Variants in CYFIP2 observed in about 807,000 individuals in gnomAD.
CYFIP2 encodes the protein cytoplasmic FMR1-interacting protein 2.
A neutral mutation model predicts 158.7 loss-of-function variants in CYFIP2; 29 were observed. That is an observed-to-expected ratio of 0.18 (90% CI 0.14 to 0.25). The LOEUF (loss-of-function observed/expected upper bound fraction) is 0.25. CYFIP2 is among the 10% of genes least tolerant of loss of function. CYFIP2 has a pLI of 1.00. For synonymous variants in CYFIP2, 585 were observed against 617.6 expected (o/e 0.95, Z 0.78); for missense variants, 852 against 1,639.5 (o/e 0.52, Z 8.29).
chr5:157,270,586 G>A (rs1024648376), intron 1 of CYFIP2, among the ~76,000 whole-genome samples: 1 of 152,220 alleles, frequency 6.6e-6, no homozygotes, highest in Non-Finnish European at 1.5e-5. Context: ...GGCAAGATAT[G>A]AATGGCAAGA....
At chr5:157,292,239 G>C (rs1376371631) in intron 3 of CYFIP2, among the ~76,000 whole-genome samples, 1 of 146,148 alleles carries the variant, frequency 6.8e-6, no homozygotes, top group African/African-American at 2.5e-5. Flanking sequence ...TTTTTTTTGA[G>C]ATGGAGTTTT....
At chr5:157,314,259 T>C in intron 11 of CYFIP2, 85 bp from the exon 12 acceptor site, 2 of 1,519,996 alleles carry the variant, frequency 1.3e-6, no homozygotes, top group Non-Finnish European at 1.8e-6. Flanking sequence ...AGCACTTCCC[T>C]GCAGTGTTCT....
intron 22 of CYFIP2, 68 bp downstream of exon 22, chr5:157,339,324 C>G: frequency 7.1e-7 from 1 of 1,417,534 alleles, no homozygotes; most frequent in Non-Finnish European, 9.8e-7. Flanking sequence ...CTCCTCCAAA[C>G]TAGGCCCAGT....
At chr5:157,268,028 G>A (rs1052369107) in intron 1 of CYFIP2, among the ~76,000 whole-genome samples, 1 of 152,220 alleles carries the variant, frequency 6.6e-6, no homozygotes, top group South Asian at 2.1e-4. Flanking sequence ...GTCCACTTTC[G>A]GGATGAGAAA....
intron 15 of CYFIP2, chr5:157,323,081 G>A: frequency 7.0e-7 from 1 of 1,435,704 alleles, no homozygotes; most frequent in Non-Finnish European, 9.5e-7. Context: ...GAATGGACTA[G>A]CCTGGCTCCT....
At chr5:157,332,509 T>C (rs1203290570) in intron 20 of CYFIP2, among the ~76,000 whole-genome samples, 1 of 152,218 alleles carries the variant, frequency 6.6e-6, no homozygotes, top group African/African-American at 2.4e-5. Flanking sequence ...AAAAACAGAA[T>C]AGAATGATGA....
At chr5:157,367,772 T>A (rs201128192) in intron 26 of CYFIP2, among the ~76,000 whole-genome samples, 2,478 of 148,908 alleles carry the variant, frequency 0.017, 85 homozygotes, top group African/African-American at 0.057. Flanking sequence ...TTTTTTTTTT[T>A]AAGACAGAGT....
intron 22 of CYFIP2, among the ~76,000 whole-genome samples, chr5:157,339,464 T>G (rs1253590372): frequency 1.4e-5 from 2 of 146,264 alleles, no homozygotes; most frequent in Non-Finnish European, 3.0e-5. Flanking sequence ...TAGGTCTTCT[T>G]TCATTGAAGA....
intron 1 of CYFIP2, among the ~76,000 whole-genome samples, chr5:157,274,302 C>G (rs1445673051): frequency 6.6e-6 from 1 of 152,144 alleles, no homozygotes; most frequent in Non-Finnish European, 1.5e-5. Context: ...ATAGATTTGC[C>G]TATTCTGGGC....
chr5:157,338,236 C>T (rs1217051611), intron 21 of CYFIP2, among the ~76,000 whole-genome samples: 1 of 152,194 alleles, frequency 6.6e-6, no homozygotes. Context: ...GGGTTTCCTT[C>T]GTTCAGGGCC....
intron 23 of CYFIP2, 112 bp downstream of exon 23, chr5:157,341,269 G>T: frequency 9.9e-7 from 1 of 1,005,488 alleles, no homozygotes; most frequent in Non-Finnish European, 1.5e-6. Flanking sequence ...GCAGCAATGA[G>T]GTCAGGCACA....
intron 23 of CYFIP2, among the ~76,000 whole-genome samples, chr5:157,352,330 C>G (rs1763127516): frequency 6.6e-6 from 1 of 152,166 alleles, no homozygotes; most frequent in African/African-American, 2.4e-5. Flanking sequence ...CCTTAGGACC[C>G]AGAACCCAGT....
chr5:157,375,068 A>G (rs1418735892), intron 26 of CYFIP2, among the ~76,000 whole-genome samples: 1 of 152,160 alleles, frequency 6.6e-6, no homozygotes, highest in African/African-American at 2.4e-5. Flanking sequence ...AGCATTCCCA[A>G]CTTGAGACTT....
intron 23 of CYFIP2, among the ~76,000 whole-genome samples, chr5:157,354,018 T>G (rs1763248407): frequency 6.6e-6 from 1 of 152,368 alleles, no homozygotes. Context: ...GAATTTTATT[T>G]GTATATTTTG....
At chr5:157,338,302 G>A (rs1247046265) in intron 21 of CYFIP2, among the ~76,000 whole-genome samples, 1 of 152,198 alleles carries the variant, frequency 6.6e-6, no homozygotes, top group Admixed American at 6.5e-5. Flanking sequence ...CAGACTGCTT[G>A]CCCATGGCTT....
intron 3 of CYFIP2, among the ~76,000 whole-genome samples, chr5:157,292,142 T>C (rs901232882): frequency 5.3e-5 from 8 of 152,196 alleles, no homozygotes; most frequent in African/African-American, 1.9e-4. Context: ...TAATCCAATA[T>C]GGACCTTTTG....
At position 157,292,228 on chromosome 5, in the gene CYFIP2, A is replaced by AT. The variant is rs1352694117; in HGVS notation, c.208-2547dup. ...TTTCTTTTTTTATTTTTATTTTTTT[A>AT]TTTTTTTTGAGATGGAGTTTTGCTC... On this transcript the variant is annotated intron_variant, in intron 3 of 30. Coordinates refer to ENST00000620254, the MANE Select transcript of CYFIP2 (RefSeq NM_001037333.3). 8.5e-5 allele frequency among the ~76,000 whole-genome samples: 12 copies of AT among 140,858 alleles called. No homozygotes were observed. In the East Asian group the frequency reaches 1.7e-3, roughly 19 times the overall value. The allele number at this position is 140,858 out of a possible 152,430, so 92.4% of individuals were successfully genotyped here.
intron 23 of CYFIP2, among the ~76,000 whole-genome samples, chr5:157,350,687 G>A (rs569673645): frequency 5.1e-4 from 77 of 152,212 alleles, no homozygotes; most frequent in African/African-American, 1.8e-3. Context: ...TTGATGGTGG[G>A]AATTGCATTG....
intron 11 of CYFIP2, among the ~76,000 whole-genome samples, chr5:157,312,073 T>C (rs182883623): frequency 6.6e-6 from 1 of 152,320 alleles, no homozygotes; most frequent in Non-Finnish European, 1.5e-5. Flanking sequence ...GATTAAAAGA[T>C]ATGGCAGATA....
Sources: allele counts gnomAD v4.1 joint callset (sites outside exome capture counted in the v4.1 genomes callset), GRCh38; gene constraint gnomAD v4.1.1; transcripts MANE v1.5; gene names NCBI Gene and HGNC (gene_info 2026-07-23, HGNC 2026-07-21).